The following COL9A3 variants were observed in gnomAD, a reference collection of about 807,000 sequenced individuals.
COL9A3 encodes the protein collagen type IX alpha 3 chain.
COL9A3 carries 82 observed loss-of-function variants against 110.2 expected under a neutral mutation model. That is an observed-to-expected ratio of 0.74 (90% CI 0.62 to 0.89). The LOEUF is 0.89. Ranked by LOEUF, COL9A3 falls within the 40% of genes least tolerant of loss-of-function variation. The probability of loss-of-function intolerance (pLI) is 0.00; values close to 1 mark genes in which losing one functional copy is unlikely to be tolerated. For synonymous variants in COL9A3, 494 were observed against 403.8 expected (o/e 1.22, Z -2.68); for missense variants, 1,066 against 981.3 (o/e 1.09, Z -1.15).
chr20:62,840,889 C>T lies in COL9A3; in HGVS notation c.*157C>T. ...ACGCGCGGGCCTTGCCAGCGAGCAC[C>T]CTCATCGGGCTGTCGCCTGACAGCA... On this transcript the variant is annotated 3_prime_UTR_variant, in exon 32 of 32. Transcript: ENST00000649368. 1.3e-6 allele frequency: 1 copy of T among 750,322 alleles called. No homozygotes were observed. Among genetic ancestry groups the T allele is most frequent in the South Asian group, 1.7e-5 (1 of 59,402 alleles). The allele number at this position is 750,322 out of a possible 1,614,324, so 46.5% of individuals were successfully genotyped here.
chr20:62,818,378 G>A (rs1008777773), intron 2 of COL9A3, 140 bp from the exon 3 acceptor site: 11 of 809,814 alleles, frequency 1.4e-5, no homozygotes, highest in Admixed American at 8.7e-5. Flanking sequence ...GGTAGGGATC[G>A]GGGGCTCAGG....
intron 26 of COL9A3, among the ~76,000 whole-genome samples, chr20:62,835,252 C>T (rs1241268652): frequency 6.6e-6 from 1 of 152,200 alleles, no homozygotes; most frequent in African/African-American, 2.4e-5. Flanking sequence ...CCATGTGGCT[C>T]CTAGTTCTGG....
chr20:62,819,822 T>C, intron 4 of COL9A3, 107 bp from the exon 5 acceptor site: 1 of 1,242,284 alleles, frequency 8.0e-7, no homozygotes, highest in Non-Finnish European at 1.2e-6. Context: ...GGGTCTTCTA[T>C]GCCTCTCTGG....
intron 13 of COL9A3, 100 bp from the exon 14 acceptor site, chr20:62,826,104 A>G: frequency 7.6e-7 from 1 of 1,316,822 alleles, no homozygotes; most frequent in Non-Finnish European, 1.1e-6. Context: ...CTCATGGAAG[A>G]CACCAGGGCT....
chr20:62,837,883 G>A (rs532591101), intron 30 of COL9A3, among the ~76,000 whole-genome samples: 60 of 152,234 alleles, frequency 3.9e-4, no homozygotes, highest in Non-Finnish European at 4.3e-4. Context: ...TTGGGAGGAC[G>A]AGGCAGGTGG....
intron 13 of COL9A3, 66 bp from the exon 14 acceptor site, chr20:62,826,138 G>A (rs1440687556): frequency 1.5e-5 from 23 of 1,505,678 alleles, no homozygotes; most frequent in Non-Finnish European, 1.9e-5. Context: ...CGAGGGCCTT[G>A]GCCCTGGGTG....
chr20:62,829,090 C>A, intron 19 of COL9A3, 114 bp downstream of exon 19: 1 of 1,185,516 alleles, frequency 8.4e-7, no homozygotes, highest in Non-Finnish European at 1.2e-6. Context: ...GTGAGGGGTT[C>A]TGGGGCCTGT....
At chr20:62,819,866 TGC>T in intron 4 of COL9A3, 61 bp from the exon 5 acceptor site, 1 of 1,592,350 alleles carries the variant, frequency 6.3e-7, no homozygotes, top group Non-Finnish European at 8.6e-7. Context: ...CTTCCATTTT[TGC>T]CTGGGGGGTG....
chr20:62,837,218 C>T lies in COL9A3; in HGVS notation c.1739C>T (p.Pro580Leu), dbSNP rs2063643867. The T allele has an allele frequency of 6.2e-7, 1 of 1,611,998 alleles. No homozygotes were observed. Among genetic ancestry groups the T allele is most frequent in the Non-Finnish European group, 8.5e-7 (1 of 1,179,638 alleles). Residue 580 changes from proline (P) to leucine (L), a missense_variant, in exon 30 of 32, where the codon CCT becomes CTT. Physicochemically the swap from Pro to Leu is moderately conservative, Grantham distance 98 (BLOSUM62 -3). Transcript: ENST00000649368. ...GGTCACCCTGGCGCTCGAGGACCCC[C>T]TGGATACCGCGGTCCCACTGGGGAG... ...SIGHPGARGP[P>L]GYRGPTGELG...
chr20:62,837,001 G>A (rs1440040227), intron 29 of COL9A3, 82 bp from the exon 30 acceptor site: 17 of 1,530,888 alleles, frequency 1.1e-5, no homozygotes, highest in East Asian at 9.0e-5. Context: ...AGACAGCACC[G>A]TGTAGATATT....
intron 25 of COL9A3, 128 bp downstream of exon 25, chr20:62,832,317 C>A: frequency 2.1e-6 from 2 of 934,462 alleles, no homozygotes; most frequent in Non-Finnish European, 3.4e-6. Context: ...CTCCTCTTGC[C>A]GTGTCTGTCA....
intron 10 of COL9A3, among the ~76,000 whole-genome samples, chr20:62,823,441 G>A (rs1002619429): frequency 3.9e-5 from 6 of 152,244 alleles, no homozygotes; most frequent in Non-Finnish European, 8.8e-5. Flanking sequence ...CCATAGAGAG[G>A]TTTGATAGTT....
intron 31 of COL9A3, among the ~76,000 whole-genome samples, chr20:62,840,132 T>C (rs2063664815): frequency 6.6e-6 from 1 of 151,702 alleles, no homozygotes. Context: ...ACCCCCCACT[T>C]AGGCGGCTGA....
At chr20:62,832,017 G>C (rs905807514) in intron 24 of COL9A3, 137 bp from the exon 25 acceptor site, 8 of 889,204 alleles carry the variant, frequency 9.0e-6, no homozygotes, top group Admixed American at 7.3e-5. Flanking sequence ...CTGTGTCTGG[G>C]AGCCGGTGTT....
rs780048076 is a variant in COL9A3, at chr20:62,821,213, G to C, written c.342G>C (p.Leu114=). ...GSLGPPGPPG[L]GGKGLPGPPG... is the part of the protein sequence containing the mutation. ...TGGGACCCCCGGGGCCGCCCGGGCT[G>C]GGGGTGAGTATGGAGTGTGGTCCTC... The change falls in exon 6 of 32, where the codon CTG becomes CTC. Residue 114 remains leucine (L), a synonymous_variant. Coordinates refer to ENST00000649368, the MANE Select transcript of COL9A3 (RefSeq NM_001853.4). 3.7e-6 allele frequency: 6 copies of C among 1,613,066 alleles called. No homozygotes were observed. Among genetic ancestry groups the C allele is most frequent in the African/African-American group, 1.3e-5 (1 of 74,922 alleles).
Position 62,817,648 on chromosome 20 carries a change from G to T in COL9A3, c.147+13G>T. 1 of 1,527,460 alleles carries T rather than the reference G, an allele frequency of 6.5e-7. No individual in the cohort carries two copies. The highest frequency in any genetic ancestry group is 8.8e-7 in the Non-Finnish European group (1 of 1,133,098). 94.6% of individuals were successfully genotyped at this position (1,527,460 alleles called of 1,614,324 possible). A position where few individuals can be genotyped will look rare whatever the true frequency, so the allele number is the denominator to read the frequency against. ...GGACGGCATTGACGTGAGTTTGGGG[G>T]TGGGGAGGGCCCCGAGCGCTCTGGG... On this transcript the variant is annotated intron_variant, in intron 2 of 31. Transcript: ENST00000649368.
At chr20:62,827,370 G>T in intron 16 of COL9A3, 76 bp downstream of exon 16, 3 of 1,499,592 alleles carry the variant, frequency 2.0e-6, no homozygotes, top group Non-Finnish European at 2.8e-6. Context: ...GTGCTGGGGA[G>T]GGGGACACAC....
chr20:62,836,239 C>T lies in COL9A3; in HGVS notation c.1454C>T (p.Thr485Ile). The T allele has an allele frequency of 6.2e-7, 1 of 1,613,760 alleles. No homozygotes were observed. The highest frequency in any genetic ancestry group is 8.5e-7 in the Non-Finnish European group (1 of 1,180,008). The change falls in exon 28 of 32, where the codon ACC (threonine) becomes ATC (isoleucine). Residue 485 changes from threonine (T) to isoleucine (I), a missense_variant. Thr to Ile is a moderately conservative substitution (Grantham distance 89). Coordinates refer to ENST00000649368, the MANE Select transcript of COL9A3 (RefSeq NM_001853.4). Reference sequence around the variant, plus strand: ...AAAGGCACCCAGGGTCCCAACGGCACCAGCGGTGTTCAGGGTGTCCCCGGG... The same window carrying T: ...AAAGGCACCCAGGGTCCCAACGGCATCAGCGGTGTTCAGGGTGTCCCCGGG... ...GPKGTQGPNG[T>I]SGVQGVPGPP...
intron 8 of COL9A3, 45 bp downstream of exon 8, chr20:62,821,855 C>T (rs1471817037): frequency 1.8e-6 from 2 of 1,130,256 alleles, no homozygotes; most frequent in Middle Eastern, 1.9e-4. Context: ...TCACCTGTGG[C>T]CTCCACCCCC....
Sources: gnomAD v4.1 joint callset for allele counts (sites outside exome capture counted in the v4.1 genomes callset) on GRCh38, gnomAD v4.1.1 for gene constraint, MANE v1.5 for transcripts, NCBI Gene and HGNC (gene_info 2026-07-23, HGNC 2026-07-21) for gene names.